The following ASB15 variants were observed in gnomAD, a reference collection of about 807,000 sequenced individuals.
ASB15 encodes the protein ankyrin repeat and SOCS box protein 15.
In ASB15, 54 loss-of-function variants were observed where a neutral mutation model predicts 58.0. The ratio of observed to expected loss-of-function variants is 0.93; its 90% CI spans 0.75 to 1.17. The LOEUF (loss-of-function observed/expected upper bound fraction) is 1.17, where lower values mean the gene tolerates loss of function less well. Ranked by LOEUF, ASB15 falls within the 50% of genes most tolerant of loss-of-function variation. The probability of loss-of-function intolerance (pLI) is 0.00; values close to 1 mark genes in which losing one functional copy is unlikely to be tolerated. For missense variants in ASB15, 680 were observed against 707.4 expected (o/e 0.96, Z 0.44); for synonymous variants, 249 against 262.4 (o/e 0.95, Z 0.50).
chr7:123,625,004 A>G (rs1302458464), intron 8 of ASB15, 190 bp downstream of exon 8: 3 of 641,406 alleles, frequency 4.7e-6, no homozygotes, highest in African/African-American at 1.8e-5. Flanking sequence ...GCTAAGCCCT[A>G]TACATTGTGA....
chr7:123,582,507 C>T (rs945391506), intron 1 of ASB15, among the ~76,000 whole-genome samples: 1 of 151,972 alleles, frequency 6.6e-6, no homozygotes, highest in Non-Finnish European at 1.5e-5. Context: ...CTAACTCTTA[C>T]CTAAAGCTCC....
At chr7:123,630,991 T>C (rs1054254101) in intron 11 of ASB15, among the ~76,000 whole-genome samples, 3 of 152,314 alleles carry the variant, frequency 2.0e-5, no homozygotes, top group South Asian at 2.1e-4. Flanking sequence ...TGGGGTCAGA[T>C]AGACCTAGAA....
At chr7:123,612,488 A>C (rs1562927322) in intron 3 of ASB15, 1 of 152,226 alleles carries the variant, frequency 6.6e-6, no homozygotes, top group Non-Finnish European at 1.5e-5. Flanking sequence ...AGATATTCAC[A>C]GATTAAGATG....
chr7:123,576,536 G>T (rs1274108721), intron 1 of ASB15, among the ~76,000 whole-genome samples: 1 of 151,794 alleles, frequency 6.6e-6, no homozygotes, highest in African/African-American at 2.4e-5. Flanking sequence ...ATTTTCCTTG[G>T]CCAACTATGT....
At chr7:123,568,487 C>T (rs1383263961) in intron 1 of ASB15, among the ~76,000 whole-genome samples, 2 of 150,640 alleles carry the variant, frequency 1.3e-5, no homozygotes, top group African/African-American at 4.9e-5. Flanking sequence ...TGCCATTGCA[C>T]TCCAGCCTGA....
In ASB15 at chr7:123,636,931, A is replaced by G. The variant is rs751343075; in HGVS notation, c.1717A>G (p.Ile573Val). ...LPLPPAIQRY[I>V]LFKEYDLYGQ... ...TCTACCACCAGCTATTCAAAGATAC[A>G]TATTATTTAAAGAGTATGATCTCTA... is the stretch of plus-strand genomic sequence containing the variant. Residue 573 changes from isoleucine to valine, a missense_variant, in exon 12 of 12, where the codon ATA becomes GTA. By Grantham distance (29) the Ile-to-Val change is conservative. Transcript: ENST00000451215. 29 of 1,584,400 alleles carry G rather than the reference A, an allele frequency of 1.8e-5. No homozygotes were observed. Among genetic ancestry groups the G allele is most frequent in the Admixed American group, 1.2e-4 (7 of 59,920 alleles).
rs1802489748 is a variant in ASB15, at chr7:123,637,671, T to G, written c.*690T>G. On this transcript the variant is annotated 3_prime_UTR_variant, in exon 12 of 12. Transcript: ENST00000451215. Reference sequence around the variant, plus strand: ...ATCTTAAGCCCTCTTCTCTTTGTTCTTTAAGTTATATATCCTAAGCCCTCT... The same window carrying G: ...ATCTTAAGCCCTCTTCTCTTTGTTCGTTAAGTTATATATCCTAAGCCCTCT... 6.6e-6 allele frequency: 1 copy of G among 151,990 alleles called. No individual in the cohort carries two copies. Among genetic ancestry groups the G allele is most frequent in the African/African-American group, 2.4e-5 (1 of 41,366 alleles). The allele number at this position is 151,990 out of a possible 1,614,324, so 9.4% of individuals were successfully genotyped here. A position where few individuals can be genotyped will look rare whatever the true frequency, so the allele number is the denominator to read the frequency against.
At chr7:123,627,967 T>C (rs1454777376) in intron 9 of ASB15, among the ~76,000 whole-genome samples, 1 of 152,210 alleles carries the variant, frequency 6.6e-6, no homozygotes, top group Non-Finnish European at 1.5e-5. Context: ...TGACGCATAA[T>C]TGATGCTAAG....
At chr7:123,572,131 C>CTTTT (rs61198371) in intron 1 of ASB15, among the ~76,000 whole-genome samples, 6 of 47,980 alleles carry the variant, frequency 1.3e-4, no homozygotes, top group South Asian at 1.1e-3. Flanking sequence ...TGTAGAATTT[C>CTTTT]TTTTTTTTTT....
chr7:123,605,628 T>A (rs1175172089), intron 2 of ASB15, among the ~76,000 whole-genome samples: 5 of 152,092 alleles, frequency 3.3e-5, no homozygotes, highest in Non-Finnish European at 7.3e-5. Flanking sequence ...ATAAAGATAA[T>A]GTTGTACGTA....
chr7:123,617,609 C>A lies in ASB15; in HGVS notation c.323C>A (p.Thr108Asn). 1 of 1,611,522 alleles carries A rather than the reference C, an allele frequency of 6.2e-7. No individual in the cohort carries two copies. The highest frequency in any genetic ancestry group is 8.5e-7 in the Non-Finnish European group (1 of 1,177,762). The change falls in exon 7 of 12, where the codon ACC becomes AAC. Residue 108 changes from threonine to asparagine, a missense_variant. Transcript: ENST00000451215. Reference sequence around the variant, plus strand: ...TATAAGACACTCTGGGAATTCAAGACCTGTGATGGAGAAACACCCTTGACT... The same window carrying A: ...TATAAGACACTCTGGGAATTCAAGAACTGTGATGGAGAAACACCCTTGACT... ...ASYKTLWEFK[T>N]CDGETPLTLA...
chr7:123,621,426 C>T (rs1801315257), intron 7 of ASB15: 1 of 152,168 alleles, frequency 6.6e-6, no homozygotes, highest in Non-Finnish European at 1.5e-5. Flanking sequence ...GAACCCATGC[C>T]AAGTCTTCTT....
Position 123,593,527 on chromosome 7 carries a change from C to A in ASB15, c.-442-10505C>A, listed in dbSNP as rs192876154. Among the ~76,000 whole-genome samples the A allele has an allele frequency of 1.7e-3, 255 of 152,180 alleles. 1 individual carries two copies. The highest frequency in any genetic ancestry group is 0.01 in the Middle Eastern group (3 of 294). ...AAGGATTTTATTTCTCCTTCACTTA[C>A]AAAGCTTAGTTTGGCTGGATATGAA... On this transcript the variant is annotated intron_variant, in intron 1 of 13. Transcript: ENST00000451558.
intron 1 of ASB15, among the ~76,000 whole-genome samples, chr7:123,574,816 T>C (rs1799018535): frequency 6.6e-6 from 1 of 152,174 alleles, no homozygotes. Context: ...TACACATCTT[T>C]AAGTAGTTCC....
chr7:123,615,083 G>C (rs1229181852), intron 4 of ASB15, among the ~76,000 whole-genome samples: 1 of 152,064 alleles, frequency 6.6e-6, no homozygotes, highest in Non-Finnish European at 1.5e-5. Flanking sequence ...TAGCCCATTA[G>C]TTAATGAATG....
At chr7:123,580,370 C>A (rs805786) in intron 1 of ASB15, among the ~76,000 whole-genome samples, 34,915 of 151,798 alleles carry the variant, frequency 0.23, 4,145 homozygotes, top group East Asian at 0.4. Context: ...GTGAGTGAAG[C>A]AGTCATCACA....
chr7:123,593,431 A>C (rs1799601809), intron 1 of ASB15, among the ~76,000 whole-genome samples: 1 of 152,074 alleles, frequency 6.6e-6, no homozygotes, highest in Non-Finnish European at 1.5e-5. Context: ...TTCCATGTTT[A>C]GTGCTTCCTT....
upstream of ASB15, among the ~76,000 whole-genome samples, chr7:123,601,512 A>G (rs1406179555): frequency 5.3e-5 from 8 of 152,210 alleles, no homozygotes; most frequent in Admixed American, 4.6e-4. Flanking sequence ...GGCTCTGACA[A>G]CACAAAGACT....
At chr7:123,602,380 A>T (rs1156522764) in intron 1 of ASB15, among the ~76,000 whole-genome samples, 1 of 152,150 alleles carries the variant, frequency 6.6e-6, no homozygotes, top group Non-Finnish European at 1.5e-5. Context: ...TAGATTTTTT[A>T]AAAAATAAAC....
Sources: allele counts gnomAD v4.1 joint callset (sites outside exome capture counted in the v4.1 genomes callset), GRCh38; gene constraint gnomAD v4.1.1; transcripts MANE v1.5; gene names NCBI Gene and HGNC (gene_info 2026-07-23, HGNC 2026-07-21).